GPC6: variants seen among roughly 807,000 people sequenced by gnomAD.
The protein encoded by GPC6 is glypican-6.
Under a neutral mutation model 55.2 loss-of-function variants are expected in GPC6, and 14 were observed. The observed-to-expected ratio is 0.25, with a 90% confidence interval of 0.17 to 0.40. The LOEUF is 0.40. GPC6 is among the 10% of genes least tolerant of loss of function. GPC6 has a pLI of 1.00. For synonymous variants in GPC6, 278 were observed against 259.6 expected (o/e 1.07, Z -0.68); for missense variants, 641 against 708.5 (o/e 0.90, Z 1.08).
chr13:93,761,850 T>A (rs553916670), intron 2 of GPC6, among the ~76,000 whole-genome samples: 1 of 152,334 alleles, frequency 6.6e-6, no homozygotes, highest in African/African-American at 2.4e-5. Context: ...TCATCTGAAA[T>A]ACTATCATTT....
chr13:93,902,548 G>A (rs904300663), intron 3 of GPC6, among the ~76,000 whole-genome samples: 2 of 151,996 alleles, frequency 1.3e-5, no homozygotes, highest in African/African-American at 4.8e-5. Context: ...CACACTTATT[G>A]CCCTTCCTTT....
intron 6 of GPC6, among the ~76,000 whole-genome samples, chr13:94,381,652 G>T (rs886240541): frequency 1.3e-5 from 2 of 152,154 alleles, no homozygotes; most frequent in Non-Finnish European, 2.9e-5. Context: ...CATAACAGAT[G>T]CATTCCAGCC....
At chr13:93,276,740 A>G (rs1374655766) in intron 1 of GPC6, among the ~76,000 whole-genome samples, 1 of 152,034 alleles carries the variant, frequency 6.6e-6, no homozygotes, top group Non-Finnish European at 1.5e-5. Flanking sequence ...CCTCGGGAGT[A>G]CCTGGGATGT....
chr13:93,417,811 T>C (rs963398044), intron 1 of GPC6, among the ~76,000 whole-genome samples: 1 of 152,006 alleles, frequency 6.6e-6, no homozygotes, highest in Non-Finnish European at 1.5e-5. Flanking sequence ...GATAAAAATC[T>C]TCTATATTAT....
intron 2 of GPC6, among the ~76,000 whole-genome samples, chr13:93,563,570 C>G (rs1875921439): frequency 6.6e-6 from 1 of 151,998 alleles, no homozygotes; most frequent in Non-Finnish European, 1.5e-5. Context: ...ATGTATGTAA[C>G]ATATATGAAG....
chr13:93,441,503 C>G (rs968426731), intron 1 of GPC6, among the ~76,000 whole-genome samples: 3 of 152,072 alleles, frequency 2.0e-5, no homozygotes, highest in Admixed American at 6.6e-5. Flanking sequence ...TTTGAGAAGT[C>G]TCTGTTCATA....
At chr13:93,306,863 G>GT (rs962221343) in intron 1 of GPC6, among the ~76,000 whole-genome samples, 1 of 151,986 alleles carries the variant, frequency 6.6e-6, no homozygotes, top group Admixed American at 6.6e-5. Flanking sequence ...GAGCATATTT[G>GT]TTTTTTCATT....
chr13:93,892,520 AAT>A (rs1307306965), intron 3 of GPC6, among the ~76,000 whole-genome samples: 1 of 152,092 alleles, frequency 6.6e-6, no homozygotes. Flanking sequence ...GACTATTTTA[AAT>A]TTATTTTGCC....
intron 2 of GPC6, among the ~76,000 whole-genome samples, chr13:93,592,799 C>T (rs901732459): frequency 6.6e-6 from 1 of 151,470 alleles, no homozygotes; most frequent in African/African-American, 2.4e-5. Context: ...TAAATAGAAC[C>T]GTTGATTATT....
chr13:93,613,509 A>AACACAC (rs369082922), intron 2 of GPC6, among the ~76,000 whole-genome samples: 6 of 142,854 alleles, frequency 4.2e-5, no homozygotes, highest in African/African-American at 1.5e-4. Context: ...CAGACAAGCA[A>AACACAC]ACACACACAC....
intron 1 of GPC6, among the ~76,000 whole-genome samples, chr13:93,324,846 T>A (rs1457081214): frequency 6.6e-6 from 1 of 151,938 alleles, no homozygotes; most frequent in Non-Finnish European, 1.5e-5. Flanking sequence ...GAGCTATGTG[T>A]TCAGACACCC....
chr13:93,681,378 A>G (rs547896974), intron 2 of GPC6, among the ~76,000 whole-genome samples: 2 of 152,240 alleles, frequency 1.3e-5, no homozygotes, highest in Non-Finnish European at 1.5e-5. Flanking sequence ...ATACTTATAT[A>G]TTTACTGCTG....
At chr13:93,290,641 C>A (rs1878287966) in intron 1 of GPC6, among the ~76,000 whole-genome samples, 1 of 152,120 alleles carries the variant, frequency 6.6e-6, no homozygotes, top group African/African-American at 2.4e-5. Flanking sequence ...TGACTAAATG[C>A]ATTTCACACC....
intron 4 of GPC6, among the ~76,000 whole-genome samples, chr13:94,067,752 T>C (rs1884581077): frequency 1.3e-5 from 2 of 151,944 alleles, no homozygotes; most frequent in Non-Finnish European, 2.9e-5. Flanking sequence ...GAGTAGAGAG[T>C]ATGTTTATAT....
chr13:93,848,035 C>T (rs936751523), intron 3 of GPC6, among the ~76,000 whole-genome samples: 1 of 152,088 alleles, frequency 6.6e-6, no homozygotes, highest in East Asian at 1.9e-4. Context: ...GTTTTTTGAA[C>T]ACAACATTGA....
chr13:94,359,983 T>C (rs1334366319), intron 6 of GPC6, among the ~76,000 whole-genome samples: 3 of 152,164 alleles, frequency 2.0e-5, no homozygotes, highest in Non-Finnish European at 4.4e-5. Context: ...ATAAGAGAAA[T>C]AGTCTCAAGG....
intron 3 of GPC6, among the ~76,000 whole-genome samples, chr13:93,897,863 A>G (rs1263560163): frequency 6.6e-6 from 1 of 152,080 alleles, no homozygotes; most frequent in Non-Finnish European, 1.5e-5. Context: ...TCTCTTTTTA[A>G]TGTATTTATT....
At chr13:93,995,953 A>G (rs1881532639) in intron 3 of GPC6, among the ~76,000 whole-genome samples, 2 of 152,218 alleles carry the variant, frequency 1.3e-5, no homozygotes, top group African/African-American at 4.8e-5. Flanking sequence ...AATGTGTTCC[A>G]TTATGTCGAG....
chr13:93,399,884 C>G (rs1047804446), intron 1 of GPC6, among the ~76,000 whole-genome samples: 1 of 152,172 alleles, frequency 6.6e-6, no homozygotes, highest in Non-Finnish European at 1.5e-5. Context: ...CTACAAGCTT[C>G]TTTTAGCTCA....
Sources: gnomAD v4.1 joint callset for allele counts (sites outside exome capture counted in the v4.1 genomes callset) on GRCh38, gnomAD v4.1.1 for gene constraint, MANE v1.5 for transcripts, NCBI Gene and HGNC (gene_info 2026-07-23, HGNC 2026-07-21) for gene names.